The following SSBP4 variants were observed in gnomAD, a reference collection of about 807,000 sequenced individuals.
The protein encoded by SSBP4 is single-stranded DNA-binding protein 4.
SSBP4 carries 33 observed loss-of-function variants against 64.6 expected under a neutral mutation model. That is an observed-to-expected ratio of 0.51 (90% CI 0.39 to 0.68). SSBP4 has a LOEUF of 0.68. SSBP4 is among the 30% of genes least tolerant of loss of function. The probability of loss-of-function intolerance (pLI) is 0.00; values close to 1 mark genes in which losing one functional copy is unlikely to be tolerated. For missense variants in SSBP4, 583 were observed against 566.8 expected (o/e 1.03, Z -0.29); for synonymous variants, 243 against 224.0 (o/e 1.08, Z -0.76).
the SSBP4 span, among the ~76,000 whole-genome samples, chr19:18,405,989 T>TAAA: frequency 3.3e-4 from 41 of 125,268 alleles, no homozygotes; most frequent in African/African-American, 1.1e-3. Context: ...AGACTCCGTC[T>TAAA]AAAAAAAAAA....
At chr19:18,431,883 C>T (rs1229221329) in intron 8 of SSBP4, 21 bp downstream of exon 8, 3 of 1,566,066 alleles carry the variant, frequency 1.9e-6, no homozygotes, top group East Asian at 2.4e-5. Context: ...AAGCTCCAGC[C>T]CCTATCCCGC....
chr19:18,419,614 A>C lies in SSBP4; in HGVS notation c.-35A>C. 8.0e-7 allele frequency: 1 copy of C among 1,252,786 alleles called. No individual in the cohort carries two copies. The highest frequency in any genetic ancestry group is 1.0e-6 in the Non-Finnish European group (1 of 993,376). 77.6% of individuals were successfully genotyped at this position (1,252,786 alleles called of 1,614,324 possible). ...AGCGCGGCCCGCGGCGCCGCCTGAC[A>C]GGTGTGGGCCCCGGCGGCGGCGGCG... On this transcript the variant is annotated 5_prime_UTR_variant, in exon 1 of 18. Coordinates refer to ENST00000270061, the MANE Select transcript of SSBP4 (RefSeq NM_032627.5).
upstream of SSBP4, among the ~76,000 whole-genome samples, chr19:18,418,678 G>C (rs976843819): frequency 1.3e-5 from 2 of 152,204 alleles, no homozygotes; most frequent in African/African-American, 2.4e-5. This position sits in a 1 kb window ranked among gnomAD's most constrained non-coding sequence, Gnocchi z 6.7. Context: ...GTGTGACTTC[G>C]GGCGGGACGC....
chr19:18,412,369 A>T, the SSBP4 span, among the ~76,000 whole-genome samples: 205 of 149,448 alleles, frequency 1.4e-3, no homozygotes, highest in African/African-American at 4.8e-3. Flanking sequence ...GCTGAGGCAG[A>T]GAATTGCTTG....
chr19:18,433,656 G>GT, intron 16 of SSBP4, 43 bp downstream of exon 16: 4 of 1,390,102 alleles, frequency 2.9e-6, no homozygotes, highest in Non-Finnish European at 3.7e-6. Flanking sequence ...TCCGGGGGGG[G>GT]TGGCGGGGAG....
At position 18,419,556 on chromosome 19, in the gene SSBP4, G is replaced by C; in HGVS notation, c.-93G>C. 1 of 1,179,406 alleles carries C rather than the reference G, an allele frequency of 8.5e-7. No individual in the cohort carries two copies. The highest frequency in any genetic ancestry group is 1.1e-6 in the Non-Finnish European group (1 of 951,466). 73.1% of individuals were successfully genotyped at this position (1,179,406 alleles called of 1,614,324 possible). A position where few individuals can be genotyped will look rare whatever the true frequency, so the allele number is the denominator to read the frequency against. On this transcript the variant is annotated 5_prime_UTR_variant, in exon 1 of 18. Transcript: ENST00000270061. ...GCCCGCCTGGGGCTCGGGGCGGTGAGGCCCGGGGCGCGGGGTAGCTATGGC... is the reference window on the plus strand; with the variant it reads ...GCCCGCCTGGGGCTCGGGGCGGTGACGCCCGGGGCGCGGGGTAGCTATGGC...
At chr19:18,404,631 G>A in the SSBP4 span, among the ~76,000 whole-genome samples, 3 of 144,066 alleles carry the variant, frequency 2.1e-5, no homozygotes, top group South Asian at 2.2e-4. Flanking sequence ...GGTGGCTCAC[G>A]CCTGTAATCC....
chr19:18,434,031 C>A lies in SSBP4; in HGVS notation c.1129-186C>A, dbSNP rs1017031857. ...TCACCGTCCCGATCCCATCCGCCCC[C>A]ACCCCGGGACCCGCGCCCCAGGGCG... On this transcript the variant is annotated intron_variant, in intron 17 of 17. Coordinates refer to ENST00000270061, the MANE Select transcript of SSBP4 (RefSeq NM_032627.5). The A allele has an allele frequency of 5.4e-6, 7 of 1,296,742 alleles. No individual in the cohort carries two copies. The Admixed American group carries it at 2.0e-4, about 37-fold the overall frequency. 80.3% of individuals were successfully genotyped at this position (1,296,742 alleles called of 1,614,324 possible).
chr19:18,430,328 A>G (rs1332352815), intron 4 of SSBP4, among the ~76,000 whole-genome samples: 2 of 152,076 alleles, frequency 1.3e-5, no homozygotes, highest in Non-Finnish European at 2.9e-5. Context: ...TGGCAGATAC[A>G]GGAAGCCCCC....
chr19:18,418,071 A>C (rs1310860960), upstream of SSBP4, among the ~76,000 whole-genome samples: 1 of 152,152 alleles, frequency 6.6e-6, no homozygotes. The surrounding 1 kb of genome is among the most constrained non-coding windows in gnomAD (Gnocchi z 6.7). Context: ...CATTCGGCAC[A>C]CACTTGTGCA....
chr19:18,413,705 G>C, the SSBP4 span, among the ~76,000 whole-genome samples: 5 of 152,166 alleles, frequency 3.3e-5, no homozygotes, highest in African/African-American at 4.8e-5. Context: ...TAGGGAGACT[G>C]GCATGTCCTT....
At chr19:18,432,634 G>A (rs201434687) in intron 11 of SSBP4, 30 bp downstream of exon 11, 1 of 1,555,504 alleles carries the variant, frequency 6.4e-7, no homozygotes, top group South Asian at 1.2e-5. Flanking sequence ...GGCAGGCTTG[G>A]GGTGGGGTGG....
chr19:18,418,400 G>A (rs1972215967), upstream of SSBP4, among the ~76,000 whole-genome samples: 1 of 152,168 alleles, frequency 6.6e-6, no homozygotes, highest in South Asian at 2.1e-4. The surrounding 1 kb of genome is among the most constrained non-coding windows in gnomAD (Gnocchi z 6.7). Flanking sequence ...CTCAGTATCC[G>A]CCCCCACCCT....
At chr19:18,403,507 G>C in the SSBP4 span, among the ~76,000 whole-genome samples, 1 of 152,134 alleles carries the variant, frequency 6.6e-6, no homozygotes, top group Non-Finnish European at 1.5e-5. Flanking sequence ...GTGGGTTCTG[G>C]GGTATGGGGA....
chr19:18,419,189 C>T (rs1972247212), upstream of SSBP4: 1 of 985,894 alleles, frequency 1.0e-6, no homozygotes. Flanking sequence ...TGTGCAGCCG[C>T]GATCAGCTGT....
At chr19:18,428,593 A>G (rs886925270) in intron 4 of SSBP4, among the ~76,000 whole-genome samples, 1 of 151,922 alleles carries the variant, frequency 6.6e-6, no homozygotes, top group Non-Finnish European at 1.5e-5. Context: ...CCTTCCCTTC[A>G]TCCTCTGCGC....
chr19:18,432,940 C>T (rs777681751), intron 13 of SSBP4, 33 bp from the exon 14 acceptor site: 19 of 1,613,942 alleles, frequency 1.2e-5, no homozygotes, highest in Non-Finnish European at 1.5e-5. Flanking sequence ...GGGGAAACCC[C>T]GTCACACCTG....
the SSBP4 span, among the ~76,000 whole-genome samples, chr19:18,412,779 C>T: frequency 2.0e-5 from 3 of 152,134 alleles, no homozygotes; most frequent in Non-Finnish European, 2.9e-5. Context: ...GGTGGGAGGA[C>T]TGCTTAAGCC....
At chr19:18,421,262 T>C (rs565230506) in intron 1 of SSBP4, among the ~76,000 whole-genome samples, 166 of 152,370 alleles carry the variant, frequency 1.1e-3, no homozygotes, top group Non-Finnish European at 1.7e-3. Flanking sequence ...CTCCCTTGCC[T>C]GTGTGCAGTT....
Sources: allele counts gnomAD v4.1 joint callset (sites outside exome capture counted in the v4.1 genomes callset), GRCh38; gene constraint gnomAD v4.1.1; non-coding constraint Gnocchi (gnomAD v3.1); transcripts MANE v1.5; gene names NCBI Gene and HGNC (gene_info 2026-07-23, HGNC 2026-07-21).